PTPRG: variants seen among roughly 807,000 people sequenced by gnomAD.
The protein encoded by PTPRG is protein tyrosine phosphatase receptor type G.
In PTPRG, 102 loss-of-function variants were observed where a neutral mutation model predicts 165.3. That is an observed-to-expected ratio of 0.62 (90% CI 0.53 to 0.73). The LOEUF is 0.73. Ranked by LOEUF, PTPRG falls within the 30% of genes least tolerant of loss-of-function variation. The pLI, the probability that PTPRG is intolerant of heterozygous loss-of-function variation, is 0.00. For missense variants in PTPRG, 1,866 were observed against 1,861.4 expected (o/e 1.00, Z -0.05); for synonymous variants, 675 against 669.5 (o/e 1.01, Z -0.13).
intron 23 of PTPRG, among the ~76,000 whole-genome samples, chr3:62,274,948 C>G (rs904625457): frequency 6.6e-6 from 1 of 151,844 alleles, no homozygotes; most frequent in Non-Finnish European, 1.5e-5. Flanking sequence ...TTAAGAAATG[C>G]GACCAGGTAG....
Position 61,989,655 on chromosome 3 carries a change from C to A in PTPRG, c.221C>A (p.Ser74Tyr). 1.2e-6 allele frequency: 2 copies of A among 1,614,096 alleles called. No individual in the cohort carries two copies. The highest frequency in any genetic ancestry group is 1.7e-6 in the Non-Finnish European group (2 of 1,179,976). Residue 74 changes from serine (S) to tyrosine (Y), a missense_variant, in exon 3 of 30, where the codon TCT becomes TAT. By Grantham distance (144) the Ser-to-Tyr change is moderately radical. Around this residue, in one of 3 missense-constraint regions of PTPRG, gnomAD observed 408 missense variants for 376.2 expected, o/e 1.08. Coordinates refer to ENST00000474889, the MANE Select transcript of PTPRG (RefSeq NM_002841.4). ...GAYGPEHWVT[S>Y]SVSCGGRHQS... is the part of the protein sequence containing the mutation. ...TATGGTCCTGAGCACTGGGTCACGTCTAGTGTCAGCTGTGGGGGCCGTCAC... is the reference window on the plus strand; with the variant it reads ...TATGGTCCTGAGCACTGGGTCACGTATAGTGTCAGCTGTGGGGGCCGTCAC...
intron 2 of PTPRG, among the ~76,000 whole-genome samples, chr3:61,888,560 T>C (rs908614878): frequency 5.9e-5 from 9 of 152,166 alleles, no homozygotes; most frequent in Admixed American, 5.2e-4. Flanking sequence ...CTCGATCTCC[T>C]GACCTTGCGA....
chr3:62,033,657 GCCTGGCTT>G (rs1255641601), intron 4 of PTPRG, among the ~76,000 whole-genome samples: 1 of 151,272 alleles, frequency 6.6e-6, no homozygotes, highest in Non-Finnish European at 1.5e-5. Context: ...GAGCCACCAC[GCCTGGCTT>G]CCCTGTACTT....
intron 3 of PTPRG, among the ~76,000 whole-genome samples, chr3:61,992,180 T>A (rs1559733456): frequency 6.6e-6 from 1 of 152,206 alleles, no homozygotes; most frequent in African/African-American, 2.4e-5. Flanking sequence ...AAGATGATTC[T>A]GTAGGAAGGG....
At chr3:62,016,793 A>G (rs1458652456) in intron 4 of PTPRG, among the ~76,000 whole-genome samples, 2 of 151,212 alleles carry the variant, frequency 1.3e-5, no homozygotes, top group Non-Finnish European at 3.0e-5. Context: ...CCTGGCTTCT[A>G]CTCTCCCTCA....
At chr3:62,121,628 C>T (rs1209946659) in intron 5 of PTPRG, among the ~76,000 whole-genome samples, 2 of 152,130 alleles carry the variant, frequency 1.3e-5, no homozygotes, top group East Asian at 1.9e-4. Context: ...TACTTATTCC[C>T]AGGTTACTGT....
intron 4 of PTPRG, among the ~76,000 whole-genome samples, chr3:62,077,520 G>T (rs989229027): frequency 6.6e-6 from 1 of 152,080 alleles, no homozygotes; most frequent in East Asian, 1.9e-4. Context: ...TTGCAAAAAG[G>T]TGGTTAACTC....
intron 4 of PTPRG, among the ~76,000 whole-genome samples, chr3:62,047,506 C>T (rs937530781): frequency 1.3e-5 from 2 of 151,778 alleles, no homozygotes. Flanking sequence ...AGGTGATCTG[C>T]CCTCCCCAGC....
intron 4 of PTPRG, among the ~76,000 whole-genome samples, chr3:62,025,620 C>T (rs10490779): frequency 0.074 from 11,290 of 152,068 alleles, 461 homozygotes; most frequent in Non-Finnish European, 0.094. Context: ...TTCATGTGAC[C>T]TCAATTTTTC....
At chr3:61,951,207 T>C (rs769066234) in intron 2 of PTPRG, among the ~76,000 whole-genome samples, 1 of 152,246 alleles carries the variant, frequency 6.6e-6, no homozygotes, top group Non-Finnish European at 1.5e-5. Flanking sequence ...TTGAACTCTT[T>C]TTCCTAGTTA....
chr3:61,863,736 G>T (rs1040585855), intron 2 of PTPRG, among the ~76,000 whole-genome samples: 1 of 152,178 alleles, frequency 6.6e-6, no homozygotes, highest in African/African-American at 2.4e-5. Flanking sequence ...GGTGACTTCA[G>T]TGTGTTTTCC....
intron 2 of PTPRG, among the ~76,000 whole-genome samples, chr3:61,753,981 G>A (rs1325783443): frequency 6.6e-6 from 1 of 151,944 alleles, no homozygotes; most frequent in Non-Finnish European, 1.5e-5. Context: ...CCCTTCCTCT[G>A]CTTTTTTTTG....
chr3:62,175,434 A>G (rs919132432), intron 8 of PTPRG, among the ~76,000 whole-genome samples: 1 of 152,190 alleles, frequency 6.6e-6, no homozygotes, highest in Non-Finnish European at 1.5e-5. Flanking sequence ...TGGGCAACAT[A>G]GTAAGCCTAC....
chr3:61,707,152 G>C (rs2031305821), intron 1 of PTPRG, among the ~76,000 whole-genome samples: 1 of 152,130 alleles, frequency 6.6e-6, no homozygotes, highest in African/African-American at 2.4e-5. Context: ...GCTGTTCATG[G>C]TTGTGTTCTA....
chr3:62,084,442 T>C (rs892414658), intron 5 of PTPRG, among the ~76,000 whole-genome samples: 2 of 152,218 alleles, frequency 1.3e-5, no homozygotes, highest in African/African-American at 4.8e-5. Flanking sequence ...TGTAGAGTCA[T>C]TTGCCCCCTT....
intron 2 of PTPRG, among the ~76,000 whole-genome samples, chr3:61,973,505 T>A (rs2040430350): frequency 6.6e-6 from 1 of 152,134 alleles, no homozygotes; most frequent in South Asian, 2.1e-4. Flanking sequence ...TTTTTATGCA[T>A]CTTGCCAAAT....
chr3:61,755,947 A>G (rs1400991102), intron 2 of PTPRG, among the ~76,000 whole-genome samples: 1 of 152,140 alleles, frequency 6.6e-6, no homozygotes, highest in African/African-American at 2.4e-5. Context: ...CAGTGGGAGG[A>G]AGAGGGCAGG....
At chr3:62,278,244 T>C (rs763984954) in intron 26 of PTPRG, among the ~76,000 whole-genome samples, 5 of 152,066 alleles carry the variant, frequency 3.3e-5, no homozygotes, top group Non-Finnish European at 7.4e-5. Flanking sequence ...ACTGTATGTC[T>C]TACCCCAAAA....
At chr3:62,150,387 T>C (rs1704286012) in intron 6 of PTPRG, among the ~76,000 whole-genome samples, 1 of 152,192 alleles carries the variant, frequency 6.6e-6, no homozygotes, top group Non-Finnish European at 1.5e-5. Context: ...TAGTCAGATA[T>C]GGTCCTGAGA....
Sources: allele counts gnomAD v4.1 joint callset (sites outside exome capture counted in the v4.1 genomes callset), GRCh38; gene constraint gnomAD v4.1.1; regional missense constraint gnomAD v4.1.1; transcripts MANE v1.5; gene names NCBI Gene and HGNC (gene_info 2026-07-23, HGNC 2026-07-21).